The following TENM3 variants were observed in gnomAD, a reference collection of about 807,000 sequenced individuals.
TENM3 encodes teneurin transmembrane protein 3.
TENM3 carries 63 observed loss-of-function variants against 255.1 expected under a neutral mutation model. That is an observed-to-expected ratio of 0.25 (90% CI 0.20 to 0.30). TENM3 has a LOEUF of 0.30. Ranked by LOEUF, TENM3 falls within the 10% of genes least tolerant of loss-of-function variation. The pLI is 1.00. For synonymous variants in TENM3, 1,306 were observed against 1,322.3 expected, an observed-to-expected ratio of 0.99 and a Z score of 0.27; for missense variants, 2,929 against 3,461.1, an observed-to-expected ratio of 0.85 and a Z score of 3.86.
chr4:182,532,732 A>G (rs907473077), intron 3 of TENM3, among the ~76,000 whole-genome samples: 3 of 152,116 alleles, frequency 2.0e-5, no homozygotes, highest in African/African-American at 4.8e-5. Flanking sequence ...ACACTTGACT[A>G]CCTCCTTACT....
chr4:181,927,409 A>G, the TENM3 span, among the ~76,000 whole-genome samples: 1 of 152,176 alleles, frequency 6.6e-6, no homozygotes, highest in African/African-American at 2.4e-5. Context: ...GCCGCCAGGG[A>G]GTTCAAACTG....
At chr4:182,397,868 G>C (rs1768955750) in intron 3 of TENM3, among the ~76,000 whole-genome samples, 1 of 152,166 alleles carries the variant, frequency 6.6e-6, no homozygotes, top group Non-Finnish European at 1.5e-5. Flanking sequence ...TGCTCCAAAT[G>C]ACTGCGCTCT....
At chr4:181,767,940 A>G in the TENM3 span, among the ~76,000 whole-genome samples, 1 of 118,758 alleles carries the variant, frequency 8.4e-6, no homozygotes, top group Non-Finnish European at 1.8e-5. Flanking sequence ...AGAAAAATCT[A>G]TATGTGTAAC....
chr4:182,058,906 A>C, the TENM3 span, among the ~76,000 whole-genome samples: 1 of 151,482 alleles, frequency 6.6e-6, no homozygotes. Flanking sequence ...ACTGTTTTTG[A>C]AGGAGCTAAA....
Position 182,475,591 on chromosome 4 carries a change from A to AT in TENM3, c.512-125331dup, listed in dbSNP as rs1283007324. ...GAAAGCATTTTGTAGCTCTTAAAAG[A>AT]TTGATACTTTGGTAGCTTGCATTAT... On this transcript the variant is annotated intron_variant, in intron 3 of 27. Transcript: ENST00000511685. Among the ~76,000 whole-genome samples, 6 of 152,320 alleles carry AT rather than the reference A, an allele frequency of 3.9e-5. No individual in the cohort carries two copies. In the East Asian group the frequency reaches 9.6e-4, roughly 24 times the overall value.
At chr4:182,022,942 C>T in the TENM3 span, among the ~76,000 whole-genome samples, 6 of 152,158 alleles carry the variant, frequency 3.9e-5, no homozygotes, top group African/African-American at 2.4e-5. Context: ...GGAGAAAAAA[C>T]GCCTTCCAGC....
intron 1 of TENM3, among the ~76,000 whole-genome samples, chr4:182,185,808 A>G (rs757148192): frequency 8.5e-5 from 13 of 152,226 alleles, no homozygotes; most frequent in Non-Finnish European, 1.6e-4. Context: ...ACCTCTTGTA[A>G]TAGTGCATAC....
At chr4:181,796,415 G>A in the TENM3 span, among the ~76,000 whole-genome samples, 277 of 152,336 alleles carry the variant, frequency 1.8e-3, 3 homozygotes, top group Non-Finnish European at 2.9e-3. Context: ...TCAGCTGGGA[G>A]TTCAGCAGGA....
chr4:182,207,422 G>A (rs1754658031), intron 1 of TENM3, among the ~76,000 whole-genome samples: 1 of 152,178 alleles, frequency 6.6e-6, no homozygotes, highest in Non-Finnish European at 1.5e-5. Flanking sequence ...AAATGTAAGT[G>A]CTTTATCTAA....
the TENM3 span, among the ~76,000 whole-genome samples, chr4:181,657,818 A>G: frequency 4.6e-5 from 7 of 151,832 alleles, no homozygotes; most frequent in Non-Finnish European, 2.9e-5. Flanking sequence ...AAAAAAACAA[A>G]TCTATGTCTT....
In TENM3 at chr4:182,792,320, A is replaced by T; in HGVS notation, c.5648A>T (p.Tyr1883Phe). The T allele has an allele frequency of 6.2e-7, 1 of 1,613,964 alleles. No individual in the cohort carries two copies. Among genetic ancestry groups the T allele is most frequent in the Non-Finnish European group, 8.5e-7 (1 of 1,179,890 alleles). ...LHSQRQYIFE[Y>F]DMWDRLSAIT... ...AGCCAGCGGCAGTACATCTTCGAATACGATATGTGGGACCGCCTGTCTGCC... is the reference window on the plus strand; with the variant it reads ...AGCCAGCGGCAGTACATCTTCGAATTCGATATGTGGGACCGCCTGTCTGCC... Residue 1883 changes from tyrosine to phenylalanine, a missense_variant, in exon 26 of 28, where the codon TAC (tyrosine) becomes TTC (phenylalanine). Tyr to Phe is a conservative substitution (Grantham distance 22, BLOSUM62 3). Coordinates refer to ENST00000511685, the MANE Select transcript of TENM3 (RefSeq NM_001080477.4). This position sits in a 1 kb window ranked among gnomAD's most constrained non-coding sequence, Gnocchi z 6.3.
At chr4:182,676,788 G>A (rs984307440) in intron 7 of TENM3, among the ~76,000 whole-genome samples, 1 of 152,196 alleles carries the variant, frequency 6.6e-6, no homozygotes, top group Non-Finnish European at 1.5e-5. Flanking sequence ...TTTAAATGAG[G>A]ATTTTTAAAG....
chr4:182,659,249 C>T (rs1396797020), intron 6 of TENM3, among the ~76,000 whole-genome samples: 1 of 152,186 alleles, frequency 6.6e-6, no homozygotes, highest in Non-Finnish European at 1.5e-5. Flanking sequence ...ATCCCCCCCT[C>T]CACAGTTTTG....
At chr4:182,092,244 G>C in the TENM3 span, among the ~76,000 whole-genome samples, 1 of 152,176 alleles carries the variant, frequency 6.6e-6, no homozygotes, top group Non-Finnish European at 1.5e-5. Context: ...AGGAGGCTGT[G>C]GTGGGAGAAT....
chr4:182,399,914 G>A (rs1188624502), intron 3 of TENM3, among the ~76,000 whole-genome samples: 1 of 151,870 alleles, frequency 6.6e-6, no homozygotes, highest in Non-Finnish European at 1.5e-5. Flanking sequence ...GAGTCTTGGT[G>A]GTGAAATTTA....
chr4:182,451,690 C>G (rs1031620596), intron 3 of TENM3, among the ~76,000 whole-genome samples: 1 of 152,042 alleles, frequency 6.6e-6, no homozygotes, highest in Admixed American at 6.5e-5. Context: ...AGAAAATGAC[C>G]CAAATTAAAG....
At chr4:182,619,985 A>G (rs1224000206) in intron 4 of TENM3, among the ~76,000 whole-genome samples, 1 of 152,204 alleles carries the variant, frequency 6.6e-6, no homozygotes, top group Non-Finnish European at 1.5e-5. Flanking sequence ...TCATTCCCAA[A>G]TATGGTCTGA....
At chr4:182,639,970 G>T (rs186539596) in intron 5 of TENM3, among the ~76,000 whole-genome samples, 1 of 152,226 alleles carries the variant, frequency 6.6e-6, no homozygotes, top group Non-Finnish European at 1.5e-5. Flanking sequence ...CGCACCTGTA[G>T]TCCCAGCTAC....
chr4:181,608,813 G>A, the TENM3 span, among the ~76,000 whole-genome samples: 1 of 152,110 alleles, frequency 6.6e-6, no homozygotes, highest in Non-Finnish European at 1.5e-5. Context: ...GTAGTTGATT[G>A]GGATGGAGCC....
Sources: allele counts gnomAD v4.1 joint callset (sites outside exome capture counted in the v4.1 genomes callset), GRCh38; gene constraint gnomAD v4.1.1; non-coding constraint Gnocchi (gnomAD v3.1); transcripts MANE v1.5; gene names NCBI Gene and HGNC (gene_info 2026-07-23, HGNC 2026-07-21).